CNTN6: variants seen among roughly 807,000 people sequenced by gnomAD.
CNTN6 encodes contactin 6.
Under a neutral mutation model 122.8 loss-of-function variants are expected in CNTN6, and 137 were observed. The observed-to-expected ratio is 1.12, with a 90% CI of 0.97 to 1.29. CNTN6 has a LOEUF of 1.29. CNTN6 is among the 50% of genes most tolerant of loss of function. The probability of loss-of-function intolerance (pLI) is 0.00; values close to 1 mark genes in which losing one functional copy is unlikely to be tolerated. For missense variants in CNTN6, 1,634 were observed against 1,223.4 expected (o/e 1.34, Z -5.01); for synonymous variants, 570 against 426.0 (o/e 1.34, Z -4.16).
intron 1 of CNTN6, among the ~76,000 whole-genome samples, chr3:1,098,823 G>A (rs2090697154): frequency 1.1e-5 from 1 of 87,416 alleles, no homozygotes. Flanking sequence ...TATATAGTGG[G>A]AAATTTTAAG....
chr3:1,157,042 A>C (rs1204058343), intron 2 of CNTN6, among the ~76,000 whole-genome samples: 1 of 148,190 alleles, frequency 6.7e-6, no homozygotes, highest in African/African-American at 2.5e-5. Flanking sequence ...TTTAATTTTA[A>C]TTTTTCTGTG....
At chr3:1,254,014 C>A (rs148326962) in intron 4 of CNTN6, among the ~76,000 whole-genome samples, 1 of 151,998 alleles carries the variant, frequency 6.6e-6, no homozygotes, top group Non-Finnish European at 1.5e-5. Flanking sequence ...TTCTAGTAAC[C>A]GACATTTTTC....
intron 4 of CNTN6, among the ~76,000 whole-genome samples, chr3:1,241,364 A>G (rs2125607363): frequency 6.6e-6 from 1 of 152,026 alleles, no homozygotes; most frequent in African/African-American, 2.4e-5. Context: ...TTCAAGCGGG[A>G]TTAGGGGCAG....
intron 12 of CNTN6, among the ~76,000 whole-genome samples, chr3:1,368,914 A>C (rs191429490): frequency 6.6e-6 from 1 of 152,224 alleles, no homozygotes; most frequent in African/African-American, 2.4e-5. Context: ...TTCATTTTGC[A>C]CTTGGACCCA....
At chr3:1,231,392 T>A (rs2094350743) in intron 4 of CNTN6, among the ~76,000 whole-genome samples, 1 of 152,230 alleles carries the variant, frequency 6.6e-6, no homozygotes, top group Non-Finnish European at 1.5e-5. Context: ...AATGGCCTTA[T>A]GAACAACCTT....
At chr3:1,386,394 T>A (rs1192584806) in intron 20 of CNTN6, among the ~76,000 whole-genome samples, 1 of 152,180 alleles carries the variant, frequency 6.6e-6, no homozygotes, top group Non-Finnish European at 1.5e-5. Context: ...AAGAATGAAC[T>A]CTTCTGTTTT....
At chr3:1,101,700 T>C (rs924946192) in intron 1 of CNTN6, among the ~76,000 whole-genome samples, 7 of 152,230 alleles carry the variant, frequency 4.6e-5, no homozygotes, top group African/African-American at 1.4e-4. Context: ...TGTCTTTCCA[T>C]TGGCTCCACA....
Position 1,325,894 on chromosome 3 carries a change from T to A in CNTN6, c.1026T>A (p.Ser342Arg). Reference protein sequence around the residue: ...YDNLLWECKASGKPNPWYTWL... With the variant: ...YDNLLWECKARGKPNPWYTWL... Reference sequence around the variant, plus strand: ...ACTTGCTCTGGGAATGTAAAGCTAGTGGAAAGCCAAACCCTTGGTATACAT... The same window carrying A: ...ACTTGCTCTGGGAATGTAAAGCTAGAGGAAAGCCAAACCCTTGGTATACAT... The change falls in exon 9 of 23, where the codon AGT becomes AGA. Residue 342 changes from serine to arginine, a missense_variant. Coordinates refer to ENST00000446702, the MANE Select transcript of CNTN6 (RefSeq NM_001289080.2). 1 of 1,611,868 alleles carries A rather than the reference T, an allele frequency of 6.2e-7. No homozygotes were observed. The highest frequency in any genetic ancestry group is 1.7e-4 in the Middle Eastern group (1 of 6,044).
At chr3:1,319,231 C>T (rs1700515091) in intron 7 of CNTN6, among the ~76,000 whole-genome samples, 1 of 151,484 alleles carries the variant, frequency 6.6e-6, no homozygotes, top group African/African-American at 2.4e-5. Context: ...GCAAAAGCCG[C>T]GATTACTTTT....
chr3:1,335,736 C>A (rs1000161547), intron 11 of CNTN6, among the ~76,000 whole-genome samples: 3 of 151,984 alleles, frequency 2.0e-5, no homozygotes, highest in African/African-American at 7.2e-5. Flanking sequence ...TACCATTATA[C>A]AATTGAATCT....
At chr3:1,373,117 G>C (rs1298474964) in intron 14 of CNTN6, among the ~76,000 whole-genome samples, 162 bp downstream of exon 14, 4 of 152,084 alleles carry the variant, frequency 2.6e-5, no homozygotes, top group Non-Finnish European at 5.9e-5. Context: ...TATGGGTAGT[G>C]TGAATACAGA....
At chr3:1,246,753 G>A (rs1271807006) in intron 4 of CNTN6, among the ~76,000 whole-genome samples, 2 of 151,926 alleles carry the variant, frequency 1.3e-5, no homozygotes, top group Admixed American at 6.6e-5. Context: ...TTTTGGTTTA[G>A]CTTCTGTTTC....
At chr3:1,332,324 G>A (rs1026527613) in intron 11 of CNTN6, among the ~76,000 whole-genome samples, 2 of 151,910 alleles carry the variant, frequency 1.3e-5, no homozygotes, top group African/African-American at 4.8e-5. Flanking sequence ...CCATCTGATC[G>A]ACTGGCTTTA....
chr3:1,118,805 T>G (rs1337716472), intron 1 of CNTN6, among the ~76,000 whole-genome samples: 1 of 152,098 alleles, frequency 6.6e-6, no homozygotes, highest in Admixed American at 6.6e-5. Flanking sequence ...TAGTGTTTTC[T>G]GCCAGACTGA....
At chr3:1,280,579 C>G (rs368888053) in intron 5 of CNTN6, among the ~76,000 whole-genome samples, 46 of 148,648 alleles carry the variant, frequency 3.1e-4, no homozygotes, top group African/African-American at 1.1e-3. Context: ...ATTCTCCTAC[C>G]TCAGCCTACT....
intron 4 of CNTN6, among the ~76,000 whole-genome samples, chr3:1,245,845 C>T (rs186585834): frequency 6.6e-6 from 1 of 151,822 alleles, no homozygotes; most frequent in Non-Finnish European, 1.5e-5. Flanking sequence ...TTTTGGCTTC[C>T]CTGGGCTACA....
intron 1 of CNTN6, among the ~76,000 whole-genome samples, chr3:1,118,234 A>C (rs1490255841): frequency 6.6e-6 from 1 of 152,182 alleles, no homozygotes; most frequent in African/African-American, 2.4e-5. Flanking sequence ...TCACAAAATG[A>C]GTTCAATCCA....
chr3:1,283,168 G>T (rs1306541204), intron 5 of CNTN6, among the ~76,000 whole-genome samples: 3 of 151,926 alleles, frequency 2.0e-5, no homozygotes, highest in Admixed American at 6.6e-5. Context: ...GAGACAGGGT[G>T]GGTCTCCAAC....
chr3:1,380,087 T>C (rs1386558968), intron 17 of CNTN6, among the ~76,000 whole-genome samples: 1 of 152,138 alleles, frequency 6.6e-6, no homozygotes, highest in Non-Finnish European at 1.5e-5. Flanking sequence ...GAACTACGTT[T>C]TGAAAAGTGA....
Sources: gnomAD v4.1 joint callset for allele counts (sites outside exome capture counted in the v4.1 genomes callset) on GRCh38, gnomAD v4.1.1 for gene constraint, MANE v1.5 for transcripts, NCBI Gene and HGNC (gene_info 2026-07-23, HGNC 2026-07-21) for gene names.